Variants in TAS1R3 observed in about 807,000 individuals in gnomAD.
TAS1R3 encodes taste 1 receptor member 3.
TAS1R3 carries 58 observed loss-of-function variants against 46.1 expected under a neutral mutation model. The observed-to-expected ratio is 1.26, with a 90% CI of 1.02 to 1.57. The LOEUF is 1.57. TAS1R3 is among the 40% of genes most tolerant of loss of function. TAS1R3 has a pLI of 0.00. For missense variants in TAS1R3, 1,422 were observed against 1,185.8 expected (o/e 1.20, Z -2.93); for synonymous variants, 724 against 544.7 (o/e 1.33, Z -4.58).
rs1265323643 is a variant in TAS1R3, at chr1:1,332,615, G to C, written c.1084G>C (p.Glu362Gln). The C allele has an allele frequency of 6.2e-7, 1 of 1,610,314 alleles. No homozygotes were observed. Residue 362 changes from glutamate to glutamine, a missense_variant, in exon 3 of 6, where the codon GAG becomes CAG. Glu to Gln is a conservative substitution (Grantham distance 29). Coordinates refer to ENST00000339381, the MANE Select transcript of TAS1R3 (RefSeq NM_152228.3). ...CCTGGGCGAGAGGGAGCAGGGTCTG[G>C]AGGAGGACGTGGTGGGCCAGCGCTG... is the stretch of plus-strand genomic sequence containing the variant. ...SALGEREQGL[E>Q]EDVVGQRCPQ...
At position 1,335,138 on chromosome 1, in the gene TAS1R3, A is replaced by C. The variant is rs1229920707; in HGVS notation, c.*674A>C. On this transcript the variant is annotated 3_prime_UTR_variant, in exon 6 of 6. Transcript: ENST00000339381. ...CTGCCCACCAGGATCTGACGCCAGC[A>C]CGCCGCCAGGCCCACACAGGGTCTC... 1.3e-5 allele frequency: 2 copies of C among 152,410 alleles called. No individual in the cohort carries two copies. The highest frequency in any genetic ancestry group is 4.8e-5 in the African/African-American group (2 of 41,410). 9.4% of individuals were successfully genotyped at this position (152,410 alleles called of 1,614,324 possible). A position where few individuals can be genotyped will look rare whatever the true frequency, so the allele number is the denominator to read the frequency against.
rs307377 is a variant in TAS1R3, at chr1:1,334,174, T to A, written c.2269T>A (p.Cys757Ser). 1 of 1,594,144 alleles carries A rather than the reference T, an allele frequency of 6.3e-7. No homozygotes were observed. Among genetic ancestry groups the A allele is most frequent in the East Asian group, 2.3e-5 (1 of 43,844 alleles). Reference sequence around the variant, plus strand: ...TTTCCTGGTGCGGAGCCAGCCGGGCTGCTACAACCGTGCCCGTGGCCTCAC... The same window carrying A: ...TTTCCTGGTGCGGAGCCAGCCGGGCAGCTACAACCGTGCCCGTGGCCTCAC... Reference protein sequence around the residue: ...GTFLVRSQPGCYNRARGLTFA... With the variant: ...GTFLVRSQPGSYNRARGLTFA... Residue 757 changes from cysteine (C) to serine (S), a missense_variant, in exon 6 of 6, where the codon TGC becomes AGC. Cys to Ser is a moderately radical substitution (Grantham distance 112). Transcript: ENST00000339381.
In TAS1R3 at chr1:1,332,276, G is replaced by T; in HGVS notation, c.745G>T (p.Asp249Tyr). The change falls in exon 3 of 6, where the codon GAT becomes TAT. Residue 249 changes from aspartate to tyrosine, a missense_variant. By Grantham distance (160) the Asp-to-Tyr change is radical. Transcript: ENST00000339381. The part of the protein sequence containing the change: ...HEGLVPLPRA[D>Y]DSRLGKVQDV... ...GGGCCTGGTGCCGCTGCCCCGTGCC[G>T]ATGACTCGCGGCTGGGGAAGGTGCA... 2 of 1,602,686 alleles carry T rather than the reference G, an allele frequency of 1.2e-6. No homozygotes were observed. Among genetic ancestry groups the T allele is most frequent in the South Asian group, 2.2e-5 (2 of 90,576 alleles).
Position 1,333,953 on chromosome 1 carries a change from T to C in TAS1R3, c.2048T>C (p.Leu683Pro). 1 of 1,600,556 alleles carries C rather than the reference T, an allele frequency of 6.2e-7. No individual in the cohort carries two copies. The highest frequency in any genetic ancestry group is 8.5e-7 in the Non-Finnish European group (1 of 1,179,566). Residue 683 changes from leucine to proline, a missense_variant, in exon 6 of 6, where the codon CTG becomes CCG. Physicochemically the swap from Leu to Pro is moderately conservative, Grantham distance 98. Coordinates refer to ENST00000339381, the MANE Select transcript of TAS1R3 (RefSeq NM_152228.3). ...SGCLRGPWAW[L>P]VVLLAMLVEV... ...TGCCTGCGGGGGCCCTGGGCCTGGCTGGTGGTGCTGCTGGCCATGCTGGTG... is the reference window on the plus strand; with the variant it reads ...TGCCTGCGGGGGCCCTGGGCCTGGCCGGTGGTGCTGCTGGCCATGCTGGTG...
chr1:1,333,023 G>A lies in TAS1R3; in HGVS notation c.1378G>A (p.Val460Met), dbSNP rs141319708. ...CATGGAGTACGACCTGAAGCTGTGG[G>A]TGTGGCAGGGCTCAGTGCCCAGGCT... ...VDMEYDLKLW[V>M]WQGSVPRLHD... is the part of the protein sequence containing the mutation. The change falls in exon 4 of 6, where the codon GTG (valine) becomes ATG (methionine). Residue 460 changes from valine (V) to methionine (M), a missense_variant. By Grantham distance (21) the Val-to-Met change is conservative (BLOSUM62 1). Coordinates refer to ENST00000339381, the MANE Select transcript of TAS1R3 (RefSeq NM_152228.3). 2.5e-5 allele frequency: 41 copies of A among 1,612,692 alleles called. No homozygotes were observed. In the African/African-American group the frequency reaches 4.4e-4, roughly 17 times the overall value.
In TAS1R3 at chr1:1,333,907, T is replaced by C; in HGVS notation, c.2002T>C (p.Trp668Arg). 1.2e-6 allele frequency: 2 copies of C among 1,601,014 alleles called. No individual in the cohort carries two copies. Among genetic ancestry groups the C allele is most frequent in the Non-Finnish European group, 1.7e-6 (2 of 1,179,812 alleles). The part of the protein sequence containing the change: ...IFVESELPLS[W>R]ADRLSGCLRG... ...CGTGGAGTCAGAACTGCCTCTGAGC[T>C]GGGCAGACCGGCTGAGTGGCTGCCT... is the stretch of plus-strand genomic sequence containing the variant. The change falls in exon 6 of 6, where the codon TGG becomes CGG. Residue 668 changes from tryptophan (W) to arginine (R), a missense_variant. Trp to Arg is a moderately radical substitution (Grantham distance 101, BLOSUM62 -3). Coordinates refer to ENST00000339381, the MANE Select transcript of TAS1R3 (RefSeq NM_152228.3).
Position 1,334,301 on chromosome 1 carries a change from T to C in TAS1R3, c.2396T>C (p.Leu799Pro). Residue 799 changes from leucine (L) to proline (P), a missense_variant, in exon 6 of 6, where the codon CTG becomes CCG. Transcript: ENST00000339381. Reference protein sequence around the residue: ...LRPAVQMGALLLCVLGILAAF... With the variant: ...LRPAVQMGALPLCVLGILAAF... ...CCCGCCGTGCAGATGGGCGCCCTCC[T>C]GCTCTGTGTCCTGGGCATCCTGGCT... 4 of 1,611,922 alleles carry C rather than the reference T, an allele frequency of 2.5e-6. No homozygotes were observed. Among genetic ancestry groups the C allele is most frequent in the Non-Finnish European group, 3.4e-6 (4 of 1,179,306 alleles).
In TAS1R3 at chr1:1,334,061, T is replaced by C; in HGVS notation, c.2156T>C (p.Leu719Pro). Residue 719 changes from leucine to proline, a missense_variant, in exon 6 of 6, where the codon CTG becomes CCG. Coordinates refer to ENST00000339381, the MANE Select transcript of TAS1R3 (RefSeq NM_152228.3). ...TGGCACATGCTGCCCACGGAGGCGCTGGTGCACTGCCGCACACGCTCCTGG... is the reference window on the plus strand; with the variant it reads ...TGGCACATGCTGCCCACGGAGGCGCCGGTGCACTGCCGCACACGCTCCTGG... ...TDWHMLPTEALVHCRTRSWVS... is the reference protein window; with the variant it reads ...TDWHMLPTEAPVHCRTRSWVS... 6.2e-7 allele frequency: 1 copy of C among 1,600,522 alleles called. No individual in the cohort carries two copies. The highest frequency in any genetic ancestry group is 8.5e-7 in the Non-Finnish European group (1 of 1,177,466).
At position 1,333,272 on chromosome 1, in the gene TAS1R3, G is replaced by C. The variant is rs370629720; in HGVS notation, c.1493G>C (p.Arg498Pro). The change falls in exon 5 of 6, where the codon CGG (arginine) becomes CCG (proline). Residue 498 changes from arginine (R) to proline (P), a missense_variant. Arg to Pro is a moderately radical substitution (Grantham distance 103). Coordinates refer to ENST00000339381, the MANE Select transcript of TAS1R3 (RefSeq NM_152228.3). ...HTSDNQKPVS[R>P]CSRQCQEGQV... is the part of the protein sequence containing the mutation. ...GCCTGTGCGCAGAAGCCCGTGTCCC[G>C]GTGCTCGCGGCAGTGCCAGGAGGGC... 1.9e-6 allele frequency: 3 copies of C among 1,596,946 alleles called. No individual in the cohort carries two copies. The highest frequency in any genetic ancestry group is 2.6e-6 in the Non-Finnish European group (3 of 1,173,368).
rs768701874 is a variant in TAS1R3 at position 1,333,960 on chromosome 1, G to A, written c.2055G>A (p.Val685=). The A allele has an allele frequency of 1.2e-6, 2 of 1,600,714 alleles. No individual in the cohort carries two copies. Among genetic ancestry groups the A allele is most frequent in the South Asian group, 2.2e-5 (2 of 91,052 alleles). The change falls in exon 6 of 6, where the codon GTG becomes GTA. Residue 685 remains valine (V), a synonymous_variant. Transcript: ENST00000339381. ...CLRGPWAWLV[V]LLAMLVEVAL... ...GGGGGCCCTGGGCCTGGCTGGTGGTGCTGCTGGCCATGCTGGTGGAGGTCG... is the reference window on the plus strand; with the variant it reads ...GGGGGCCCTGGGCCTGGCTGGTGGTACTGCTGGCCATGCTGGTGGAGGTCG...
At position 1,333,651 on chromosome 1, in the gene TAS1R3, T is replaced by C. The variant is rs550813927; in HGVS notation, c.1746T>C (p.Leu582=). The change falls in exon 6 of 6, where the codon CTT becomes CTC. Residue 582 remains leucine (L), a synonymous_variant. Coordinates refer to ENST00000339381, the MANE Select transcript of TAS1R3 (RefSeq NM_152228.3). ...LLLLLSLALG[L]VLAALGLFVH... ...TGCTGCTGAGCCTGGCGCTGGGCCT[T>C]GTGCTGGCTGCTTTGGGGCTGTTCG... The C allele has an allele frequency of 8.4e-5, 136 of 1,612,112 alleles. 2 individuals are homozygous for C. The South Asian group carries it at 1.3e-3, about 15-fold the overall frequency.
In TAS1R3 at chr1:1,332,024, G is replaced by T; in HGVS notation, c.493G>T (p.Val165Phe). 1.9e-6 allele frequency: 3 copies of T among 1,609,366 alleles called. No individual in the cohort carries two copies. The highest frequency in any genetic ancestry group is 2.5e-6 in the Non-Finnish European group (3 of 1,179,814). ...KFFSFFLMPQ[V>F]SYGASMELLS... Reference sequence around the variant, plus strand: ...AGGAGATGCCTCTTGGCCCTTGCAGGTCAGCTACGGTGCTAGCATGGAGCT... The same window carrying T: ...AGGAGATGCCTCTTGGCCCTTGCAGTTCAGCTACGGTGCTAGCATGGAGCT... The change falls in exon 3 of 6, where the codon GTC becomes TTC. Residue 165 changes from valine to phenylalanine, a missense_variant and splice_region_variant. Val to Phe is a conservative substitution (Grantham distance 50). Transcript: ENST00000339381.
At position 1,333,622 on chromosome 1, in the gene TAS1R3, C is replaced by T. The variant is rs1206725420; in HGVS notation, c.1717C>T (p.Leu573Phe). Residue 573 changes from leucine to phenylalanine, a missense_variant, in exon 6 of 6, where the codon CTC becomes TTC. Physicochemically the swap from Leu to Phe is conservative, Grantham distance 22 (BLOSUM62 0). Coordinates refer to ENST00000339381, the MANE Select transcript of TAS1R3 (RefSeq NM_152228.3). ...AWGEPAVLLL[L>F]LLLSLALGLV... ...GGGCGAGCCGGCTGTGCTGCTGCTG[C>T]TCCTGCTGCTGAGCCTGGCGCTGGG... The T allele has an allele frequency of 3.1e-6, 5 of 1,610,930 alleles. No homozygotes were observed. The highest frequency in any genetic ancestry group is 4.2e-6 in the Non-Finnish European group (5 of 1,179,760).
chr1:1,333,933 G>A lies in TAS1R3; in HGVS notation c.2028G>A (p.Leu676=). ...LSWADRLSGC[L]RGPWAWLVVL... is the part of the protein sequence containing the mutation. ...GGGCAGACCGGCTGAGTGGCTGCCT[G>A]CGGGGGCCCTGGGCCTGGCTGGTGG... The change falls in exon 6 of 6, where the codon CTG becomes CTA. Residue 676 remains leucine, a synonymous_variant. Transcript: ENST00000339381. 1.2e-6 allele frequency: 2 copies of A among 1,601,158 alleles called. No homozygotes were observed. Among genetic ancestry groups the A allele is most frequent in the Non-Finnish European group, 1.7e-6 (2 of 1,179,766 alleles).
In TAS1R3 at chr1:1,332,527, C is replaced by T. The variant is rs747153576; in HGVS notation, c.996C>T (p.His332=). ...TCCTCCAGAGGGGTGCCCAGCTGCA[C>T]GAGTTCCCCCAGTACGTGAAGACGC... ...LGFLQRGAQL[H]EFPQYVKTHL... The change falls in exon 3 of 6, where the codon CAC becomes CAT. Residue 332 remains histidine (H), a synonymous_variant. Transcript: ENST00000339381. 48 of 1,611,550 alleles carry T rather than the reference C, an allele frequency of 3.0e-5. No individual in the cohort carries two copies. In the East Asian group the frequency reaches 4.5e-4, roughly 15 times the overall value.
rs377297056 is a variant in TAS1R3, at chr1:1,332,243, G to T, written c.712G>T (p.Ala238Ser). Residue 238 changes from alanine (A) to serine (S), a missense_variant, in exon 3 of 6, where the codon GCG becomes TCG. Coordinates refer to ENST00000339381, the MANE Select transcript of TAS1R3 (RefSeq NM_152228.3). Reference sequence around the variant, plus strand: ...GGCCGCGGCACGCGGCATCTGCATCGCGCACGAGGGCCTGGTGCCGCTGCC... The same window carrying T: ...GGCCGCGGCACGCGGCATCTGCATCTCGCACGAGGGCCTGGTGCCGCTGCC... Reference protein sequence around the residue: ...ALAAARGICIAHEGLVPLPRA... With the variant: ...ALAAARGICISHEGLVPLPRA... The T allele has an allele frequency of 1.0e-5, 16 of 1,595,152 alleles. No homozygotes were observed. Among genetic ancestry groups the T allele is most frequent in the Non-Finnish European group, 1.4e-5 (16 of 1,176,230 alleles).
In TAS1R3 at chr1:1,333,637, C is replaced by T; in HGVS notation, c.1732C>T (p.Leu578=). 3 of 1,611,810 alleles carry T rather than the reference C, an allele frequency of 1.9e-6. No homozygotes were observed. Among genetic ancestry groups the T allele is most frequent in the Non-Finnish European group, 2.5e-6 (3 of 1,179,918 alleles). Residue 578 remains leucine (L), a synonymous_variant, in exon 6 of 6, where the codon CTG becomes TTG. Transcript: ENST00000339381. ...GCTGCTGCTGCTCCTGCTGCTGAGC[C>T]TGGCGCTGGGCCTTGTGCTGGCTGC... The part of the protein sequence containing the change: ...AVLLLLLLLS[L]ALGLVLAALG...
At position 1,331,402 on chromosome 1, in the gene TAS1R3, G is replaced by C. The variant is rs368625316; in HGVS notation, c.57G>C (p.Thr19=). ...TCTGGGCTCTCCTGCACCCTGGGAC[G>C]GGGGCCCCATTGTGCCTGTCACAGC... ...LSLWALLHPG[T]GAPLCLSQQL... Residue 19 remains threonine (T), a synonymous_variant, in exon 1 of 6, where the codon ACG becomes ACC. Coordinates refer to ENST00000339381, the MANE Select transcript of TAS1R3 (RefSeq NM_152228.3). 8.7e-6 allele frequency: 14 copies of C among 1,605,006 alleles called. No homozygotes were observed. Among genetic ancestry groups the C allele is most frequent in the African/African-American group, 1.3e-5 (1 of 74,460 alleles).
chr1:1,333,212 G>A (rs750534652), intron 4 of TAS1R3, 47 bp from the exon 5 acceptor site: 31 of 1,593,584 alleles, frequency 1.9e-5, no homozygotes, highest in East Asian at 6.8e-5. Context: ...CCAGTCTCCC[G>A]TGGGCATGCC....
Sources: gnomAD v4.1 joint callset for allele counts on GRCh38, gnomAD v4.1.1 for gene constraint, MANE v1.5 for transcripts, NCBI Gene and HGNC (gene_info 2026-07-23, HGNC 2026-07-21) for gene names.